RBM20: variants seen among roughly 807,000 people sequenced by gnomAD.
RBM20 encodes RNA-binding protein 20.
RBM20 carries 51 observed loss-of-function variants against 110.1 expected under a neutral mutation model. The ratio of observed to expected loss-of-function variants is 0.46; its 90% CI spans 0.37 to 0.59. The LOEUF is 0.59. Among genes scored for constraint, RBM20 ranks in the 20% least tolerant of loss-of-function variants. RBM20 has a pLI of 0.00. For synonymous variants in RBM20, 589 were observed against 618.2 expected, an observed-to-expected ratio of 0.95 and a Z score of 0.70; for missense variants, 1,512 against 1,574.9, an observed-to-expected ratio of 0.96 and a Z score of 0.68.
At chr10:110,674,169 A>T (rs190706973) in intron 1 of RBM20, among the ~76,000 whole-genome samples, 1 of 152,298 alleles carries the variant, frequency 6.6e-6, no homozygotes, top group African/African-American at 2.4e-5. Context: ...ATGGCTACTC[A>T]GTCTGCAAAC....
Position 110,781,533 on chromosome 10 carries a change from C to T in RBM20, c.924C>T (p.Val308=), listed in dbSNP as rs772918485. The T allele has an allele frequency of 9.7e-6, 15 of 1,551,556 alleles. No homozygotes were observed. The highest frequency in any genetic ancestry group is 9.6e-5 in the African/African-American group (7 of 73,064). ...AGGCTGGGGGCCTGAAAAGTGAGGT[C>T]GGGCCACTGCTGCAGGGCACAAACA... ...AEQAGGLKSE[V]GPLLQGTNSQ... The change falls in exon 2 of 14, where the codon GTC becomes GTT. Residue 308 remains valine, a synonymous_variant. Coordinates refer to ENST00000369519, the MANE Select transcript of RBM20 (RefSeq NM_001134363.3).
intron 1 of RBM20, among the ~76,000 whole-genome samples, chr10:110,758,038 T>TTTTTTTTTTA (rs1843944457): frequency 7.1e-6 from 1 of 140,784 alleles, no homozygotes; most frequent in African/African-American, 2.6e-5. Flanking sequence ...TTTTTTTTTT[T>TTTTTTTTTTA]GAGACAGGGC....
chr10:110,698,304 A>C (rs991673410), intron 1 of RBM20, among the ~76,000 whole-genome samples: 2 of 152,196 alleles, frequency 1.3e-5, no homozygotes, highest in African/African-American at 4.8e-5. Flanking sequence ...TTCTGAGCTT[A>C]TGGCAGATAC....
chr10:110,659,654 C>CA (rs1590600236), intron 1 of RBM20, among the ~76,000 whole-genome samples: 1 of 151,702 alleles, frequency 6.6e-6, no homozygotes, highest in Non-Finnish European at 1.5e-5. Flanking sequence ...TTCTGCATCT[C>CA]AAAAAAAAGT....
chr10:110,790,854 T>C (rs1442569612), intron 5 of RBM20, among the ~76,000 whole-genome samples: 2 of 152,200 alleles, frequency 1.3e-5, no homozygotes, highest in African/African-American at 4.8e-5. Context: ...CTGCCACTGT[T>C]TAATTGGCCA....
chr10:110,695,933 T>G (rs1382641975), intron 1 of RBM20, among the ~76,000 whole-genome samples: 1 of 152,216 alleles, frequency 6.6e-6, no homozygotes, highest in Non-Finnish European at 1.5e-5. Context: ...ACTGATGCAT[T>G]GTGATATTTT....
intron 1 of RBM20, among the ~76,000 whole-genome samples, chr10:110,694,472 T>C (rs1862632439): frequency 6.6e-6 from 1 of 152,162 alleles, no homozygotes; most frequent in Admixed American, 6.5e-5. Context: ...GTCAGTAAAT[T>C]TGTGCATGGC....
At chr10:110,827,619 C>T (rs986519423) in intron 12 of RBM20, among the ~76,000 whole-genome samples, 2 of 152,150 alleles carry the variant, frequency 1.3e-5, no homozygotes, top group Non-Finnish European at 2.9e-5. Flanking sequence ...TGGATTTCTT[C>T]ATCTGTGAAT....
At chr10:110,674,938 G>A (rs1378678988) in intron 1 of RBM20, among the ~76,000 whole-genome samples, 1 of 152,214 alleles carries the variant, frequency 6.6e-6, no homozygotes, top group Admixed American at 6.5e-5. Context: ...TCCTCAAGGA[G>A]CTTGCAACCA....
At position 110,781,271 on chromosome 10, in the gene RBM20, C is replaced by T. The variant is rs1367638751; in HGVS notation, c.662C>T (p.Pro221Leu). The T allele has an allele frequency of 5.2e-6, 8 of 1,551,572 alleles. No homozygotes were observed. Among genetic ancestry groups the T allele is most frequent in the Non-Finnish European group, 7.0e-6 (8 of 1,146,998 alleles). ...ATCTTGGGCATTGGCAAGACTGGGCCTGCTCCAGCTACAGCAGGATTCTAT... is the reference window on the plus strand; with the variant it reads ...ATCTTGGGCATTGGCAAGACTGGGCTTGCTCCAGCTACAGCAGGATTCTAT... Reference protein sequence around the residue: ...AVILGIGKTGPAPATAGFYEY... With the variant: ...AVILGIGKTGLAPATAGFYEY... The change falls in exon 2 of 14, where the codon CCT becomes CTT. Residue 221 changes from proline (P) to leucine (L), a missense_variant. By Grantham distance (98) the Pro-to-Leu change is moderately conservative (BLOSUM62 -3). Around this residue, in one of 3 missense-constraint regions of RBM20, gnomAD observed 1,149 missense variants for 1,169.4 expected, o/e 0.98. Transcript: ENST00000369519.
intron 1 of RBM20, among the ~76,000 whole-genome samples, chr10:110,745,069 A>C (rs929667785): frequency 6.6e-5 from 10 of 152,154 alleles, no homozygotes; most frequent in African/African-American, 2.2e-4. Context: ...TGTTTGGGTC[A>C]ATGTTGTAAG....
At chr10:110,810,099 T>G (rs1160168889) in intron 7 of RBM20, among the ~76,000 whole-genome samples, 2 of 152,000 alleles carry the variant, frequency 1.3e-5, no homozygotes, top group Admixed American at 1.3e-4. Flanking sequence ...CGGGCAGAGG[T>G]GGGTATTAAC....
chr10:110,654,883 T>A (rs1034116356), intron 1 of RBM20, among the ~76,000 whole-genome samples: 1 of 152,162 alleles, frequency 6.6e-6, no homozygotes, highest in Non-Finnish European at 1.5e-5. Context: ...TCGTACAGAG[T>A]GCTTTCTGTG....
At chr10:110,663,656 A>G (rs1004585742) in intron 1 of RBM20, among the ~76,000 whole-genome samples, 1 of 152,240 alleles carries the variant, frequency 6.6e-6, no homozygotes, top group Admixed American at 6.5e-5. Flanking sequence ...TTAAATTCAC[A>G]TGGACAAAAG....
intron 1 of RBM20, among the ~76,000 whole-genome samples, chr10:110,671,037 TC>T (rs1862250081): frequency 4.6e-5 from 7 of 152,212 alleles, no homozygotes; most frequent in African/African-American, 1.4e-4. Flanking sequence ...AAAGTCACTT[TC>T]CCATGCCAGG....
intron 1 of RBM20, among the ~76,000 whole-genome samples, chr10:110,746,262 C>T (rs539118023): frequency 6.6e-6 from 1 of 152,308 alleles, no homozygotes; most frequent in African/African-American, 2.4e-5. Context: ...CACAGCATCT[C>T]TTCCTGTGCA....
rs375346055 is a variant in RBM20, at chr10:110,751,952, C to A, written c.192-28849C>A. ...GAAAGTACAGAGATTTCCGATATACCCCCGCCTCCACACACACACAGCCTC... is the reference window on the plus strand; with the variant it reads ...GAAAGTACAGAGATTTCCGATATACACCCGCCTCCACACACACACAGCCTC... On this transcript the variant is annotated intron_variant, in intron 1 of 13. Transcript: ENST00000369519. Among the ~76,000 whole-genome samples, 5 of 151,778 alleles carry A rather than the reference C, an allele frequency of 3.3e-5. No individual in the cohort carries two copies. In the East Asian group the frequency reaches 7.7e-4, roughly 23 times the overall value.
chr10:110,685,936 A>T (rs1346311308), intron 1 of RBM20, among the ~76,000 whole-genome samples: 1 of 152,208 alleles, frequency 6.6e-6, no homozygotes, highest in Non-Finnish European at 1.5e-5. Context: ...GAGAACTTTT[A>T]AGAGACCCTT....
At chr10:110,803,931 T>G (rs1844663586) in intron 7 of RBM20, among the ~76,000 whole-genome samples, 1 of 151,476 alleles carries the variant, frequency 6.6e-6, no homozygotes, top group African/African-American at 2.4e-5. Flanking sequence ...CATTAGGACT[T>G]GGTTTCTCTC....
Sources: allele counts gnomAD v4.1 joint callset (sites outside exome capture counted in the v4.1 genomes callset), GRCh38; gene constraint gnomAD v4.1.1; regional missense constraint gnomAD v4.1.1; transcripts MANE v1.5; gene names NCBI Gene and HGNC (gene_info 2026-07-23, HGNC 2026-07-21).